Variants in FRAS1 observed in about 807,000 individuals in gnomAD.
FRAS1 encodes extracellular matrix organizing protein FRAS1.
In FRAS1, 290 loss-of-function variants were observed where a neutral mutation model predicts 435.2. The observed-to-expected ratio is 0.67, with a 90% CI of 0.61 to 0.73. The LOEUF (loss-of-function observed/expected upper bound fraction) is 0.73. Among genes scored for constraint, FRAS1 ranks in the 30% least tolerant of loss-of-function variants. The pLI is 0.00. For missense variants in FRAS1, 4,860 were observed against 5,001.5 expected (o/e 0.97, Z 0.85); for synonymous variants, 1,800 against 1,851.0 (o/e 0.97, Z 0.71).
intron 2 of FRAS1, among the ~76,000 whole-genome samples, chr4:78,096,508 G>A: frequency 6.6e-6 from 1 of 152,182 alleles, no homozygotes; most frequent in Non-Finnish European, 1.5e-5. Context: ...TGCCCCTGCA[G>A]CAAACTTCTG....
chr4:78,479,373 G>A lies in FRAS1; in HGVS notation c.8099-1G>A. Reference sequence around the variant, plus strand: ...TTGGTTTTTTGCCATTTGTATTTCAGGAGATGCAAGCAGCATTGTATCTGC... The same window carrying A: ...TTGGTTTTTTGCCATTTGTATTTCAAGAGATGCAAGCAGCATTGTATCTGC... On this transcript the variant is annotated splice_acceptor_variant, in intron 55 of 73. Coordinates refer to ENST00000512123, the MANE Select transcript of FRAS1 (RefSeq NM_025074.7). LOFTEE classifies it high-confidence loss of function. The A allele has an allele frequency of 6.8e-7, 1 of 1,463,468 alleles. No individual in the cohort carries two copies. The highest frequency in any genetic ancestry group is 1.6e-5 in the South Asian group (1 of 62,072). 90.7% of individuals were successfully genotyped at this position (1,463,468 alleles called of 1,614,324 possible). A position where few individuals can be genotyped will look rare whatever the true frequency, so the allele number is the denominator to read the frequency against.
At position 78,323,953 on chromosome 4, in the gene FRAS1, G is replaced by A. The variant is rs55918317; in HGVS notation, c.2137+4967G>A. ...TGGGAATCTTGTTAAAGATTCAGTC[G>A]GGTGGGGGTGAGGTCTGAGTTGCTG... On this transcript the variant is annotated intron_variant, in intron 18 of 73. Transcript: ENST00000512123. 6.4e-3 allele frequency among the ~76,000 whole-genome samples: 971 copies of A among 152,186 alleles called. 9 individuals carry two copies. The highest frequency in any genetic ancestry group is 0.022 in the African/African-American group (908 of 41,510).
chr4:78,083,479 A>G (rs1414223293), intron 2 of FRAS1, among the ~76,000 whole-genome samples: 1 of 152,134 alleles, frequency 6.6e-6, no homozygotes, highest in Admixed American at 6.6e-5. Flanking sequence ...TCAGAACAGA[A>G]AGAAAGAGCA....
rs780382077 is a variant in FRAS1, at chr4:78,475,549, C to T, written c.7794C>T (p.Ser2598=). 1.2e-6 allele frequency: 2 copies of T among 1,613,614 alleles called. No homozygotes were observed. The highest frequency in any genetic ancestry group is 4.5e-5 in the East Asian group (2 of 44,862). Residue 2598 remains serine (S), a synonymous_variant, in exon 54 of 74, where the codon TCC becomes TCT. Coordinates refer to ENST00000512123, the MANE Select transcript of FRAS1 (RefSeq NM_025074.7). ...LCRTEQGTAS[S]SSRVSSQPGQ... is the part of the protein sequence containing the mutation. ...GCACCGAGCAAGGCACCGCCAGCTC[C>T]AGCTCCAGGGTCAGCTCCCAACCTG...
intron 20 of FRAS1, among the ~76,000 whole-genome samples, chr4:78,361,863 C>T (rs769430777): frequency 1.3e-5 from 2 of 152,132 alleles, no homozygotes; most frequent in Non-Finnish European, 2.9e-5. Context: ...TCTTTCTTTT[C>T]TCTTTTCTAG....
chr4:78,315,296 G>A (rs528919783), intron 15 of FRAS1, among the ~76,000 whole-genome samples: 1 of 152,106 alleles, frequency 6.6e-6, no homozygotes, highest in Non-Finnish European at 1.5e-5. Context: ...CCTGGCAACC[G>A]CACCTCTAAG....
intron 67 of FRAS1, among the ~76,000 whole-genome samples, chr4:78,520,801 C>A (rs1721363629): frequency 1.3e-5 from 2 of 152,288 alleles, no homozygotes; most frequent in Middle Eastern, 3.4e-3. Context: ...AAAGGGCTGG[C>A]AGTGTAGTCC....
chr4:78,268,352 A>G (rs1014886631), intron 9 of FRAS1, among the ~76,000 whole-genome samples: 1 of 152,162 alleles, frequency 6.6e-6, no homozygotes, highest in African/African-American at 2.4e-5. Flanking sequence ...TCCTACTTGT[A>G]GGTCTTGACA....
chr4:78,181,484 C>T (rs1721997009), intron 2 of FRAS1: 7 of 1,611,636 alleles, frequency 4.3e-6, no homozygotes, highest in Non-Finnish European at 5.9e-6. Flanking sequence ...ACGTTTGCCA[C>T]GAGAATCAAA....
rs151041109 is a variant in FRAS1, at chr4:78,398,913, G to A, written c.3976-1821G>A. On this transcript the variant is annotated intron_variant, in intron 29 of 73. Coordinates refer to ENST00000512123, the MANE Select transcript of FRAS1 (RefSeq NM_025074.7). ...CAGGGGAATTGTTTGAACCTGAGAG[G>A]CGGAGGTTGTGGTGAGCCAAGTTCG... 2.6e-3 allele frequency among the ~76,000 whole-genome samples: 390 copies of A among 152,246 alleles called. 1 individual carries two copies. Among genetic ancestry groups the A allele is most frequent in the African/African-American group, 8.6e-3 (357 of 41,528 alleles).
In FRAS1 at chr4:78,475,459, AG is replaced by A. The variant is rs746687846; in HGVS notation, c.7707del (p.Ser2570LeufsTer12). The A allele has an allele frequency of 2.5e-6, 4 of 1,613,824 alleles. No individual in the cohort carries two copies. The African/African-American group carries it at 5.3e-5, about 22-fold the overall frequency. On this transcript the variant is annotated frameshift_variant, in exon 54 of 74. Transcript: ENST00000512123. LOFTEE classifies it high-confidence loss of function. ...CCAGCTACAATGTCAGTGAGAAGGC[AG>A]GGTCTGTCAGTGTCACGGTGCAGAG... ...YTSYNVSEKAGSVSVTVQRTG... is the reference protein window; with the variant it reads ...YTSYNVSEKAXSVSVTVQRTG...
At chr4:78,274,874 A>G (rs577551518) in intron 9 of FRAS1, among the ~76,000 whole-genome samples, 1 of 151,902 alleles carries the variant, frequency 6.6e-6, no homozygotes, top group African/African-American at 2.4e-5. Context: ...ATTCTTGTTA[A>G]CTTTCTGTCT....
intron 2 of FRAS1, among the ~76,000 whole-genome samples, chr4:78,214,286 A>T (rs1195557203): frequency 6.6e-6 from 1 of 152,248 alleles, no homozygotes; most frequent in Non-Finnish European, 1.5e-5. Flanking sequence ...TGGTTGGATT[A>T]GGAATAATCT....
intron 2 of FRAS1, among the ~76,000 whole-genome samples, chr4:78,151,793 G>A (rs1224556666): frequency 3.9e-5 from 6 of 152,314 alleles, no homozygotes; most frequent in African/African-American, 1.4e-4. Flanking sequence ...GATCGGAAGA[G>A]TAGCTGATGA....
intron 2 of FRAS1, among the ~76,000 whole-genome samples, chr4:78,139,727 T>C (rs1281946841): frequency 6.6e-6 from 1 of 152,170 alleles, no homozygotes; most frequent in East Asian, 1.9e-4. Context: ...CTGTGAACAA[T>C]ATTATTAGCA....
At chr4:78,433,043 T>C (rs190337064) in intron 38 of FRAS1, among the ~76,000 whole-genome samples, 1 of 152,208 alleles carries the variant, frequency 6.6e-6, no homozygotes, top group Non-Finnish European at 1.5e-5. Context: ...AGGTCTAGTC[T>C]AGATGGAATG....
intron 4 of FRAS1, among the ~76,000 whole-genome samples, chr4:78,249,121 T>C (rs534375192): frequency 3.7e-3 from 226 of 61,344 alleles, no homozygotes; most frequent in Middle Eastern, 0.027. Flanking sequence ...AGGCTGGGTG[T>C]GTTGCATGCA....
chr4:78,278,311 G>T (rs189105690), intron 9 of FRAS1, among the ~76,000 whole-genome samples: 1 of 152,290 alleles, frequency 6.6e-6, no homozygotes, highest in African/African-American at 2.4e-5. Flanking sequence ...TGTGTTTAAG[G>T]TAGTGTGATC....
intron 20 of FRAS1, among the ~76,000 whole-genome samples, chr4:78,343,423 C>T (rs1422846652): frequency 7.5e-6 from 1 of 132,808 alleles, no homozygotes; most frequent in Non-Finnish European, 1.6e-5. Context: ...CCCTCCCTCC[C>T]TCCCTCCCTC....
Sources: gnomAD v4.1 joint callset for allele counts (sites outside exome capture counted in the v4.1 genomes callset) on GRCh38, gnomAD v4.1.1 for gene constraint, MANE v1.5 for transcripts, NCBI Gene and HGNC (gene_info 2026-07-23, HGNC 2026-07-21) for gene names.